The following OLFM3 variants were observed in gnomAD, a reference collection of about 807,000 sequenced individuals.
The protein encoded by OLFM3 is olfactomedin 3.
OLFM3 carries 20 observed loss-of-function variants against 48.6 expected under a neutral mutation model. The observed-to-expected ratio is 0.41, with a 90% CI of 0.29 to 0.60. The LOEUF (loss-of-function observed/expected upper bound fraction) is 0.60, where lower values mean the gene tolerates loss of function less well. Among genes scored for constraint, OLFM3 ranks in the 20% least tolerant of loss-of-function variants. OLFM3 has a pLI of 0.28. For synonymous variants in OLFM3, 222 were observed against 198.1 expected, an observed-to-expected ratio of 1.12 and a Z score of -1.01; for missense variants, 437 against 544.3, an observed-to-expected ratio of 0.80 and a Z score of 1.96.
intron 1 of OLFM3, among the ~76,000 whole-genome samples, chr1:101,988,676 T>C (rs772270260): frequency 5.3e-5 from 8 of 152,076 alleles, no homozygotes; most frequent in Non-Finnish European, 1.0e-4. Context: ...AAAATACTTA[T>C]TAAATATCTT....
intron 1 of OLFM3, among the ~76,000 whole-genome samples, chr1:101,917,597 A>C (rs1658968426): frequency 6.6e-6 from 1 of 152,098 alleles, no homozygotes; most frequent in African/African-American, 2.4e-5. Flanking sequence ...TTATATTTTT[A>C]GTAGAGACAG....
chr1:101,885,911 T>A (rs938077646), intron 1 of OLFM3, among the ~76,000 whole-genome samples: 2 of 152,098 alleles, frequency 1.3e-5, no homozygotes, highest in African/African-American at 4.8e-5. Flanking sequence ...TATACATGGA[T>A]TTTTGACTGC....
intron 4 of OLFM3, among the ~76,000 whole-genome samples, chr1:101,817,984 G>A (rs1302978462): frequency 6.6e-6 from 1 of 152,004 alleles, no homozygotes; most frequent in African/African-American, 2.4e-5. Context: ...ATAGAGCACC[G>A]GAATGAGTTT....
chr1:101,939,626 T>C (rs1659726204), intron 1 of OLFM3, among the ~76,000 whole-genome samples: 1 of 152,124 alleles, frequency 6.6e-6, no homozygotes, highest in African/African-American at 2.4e-5. Context: ...TGAAAGTCTA[T>C]CATATGGACA....
intron 1 of OLFM3, among the ~76,000 whole-genome samples, chr1:101,968,951 G>A (rs1349007878): frequency 6.6e-6 from 1 of 152,176 alleles, no homozygotes; most frequent in Non-Finnish European, 1.5e-5. Context: ...GCTTGAGATA[G>A]CTCCATAGAG....
chr1:101,976,591 C>T (rs1326074634), intron 1 of OLFM3, among the ~76,000 whole-genome samples: 1 of 152,130 alleles, frequency 6.6e-6, no homozygotes, highest in Non-Finnish European at 1.5e-5. Context: ...GTACTTCCCA[C>T]AATAATCTTA....
At chr1:101,848,934 T>A (rs1483237582) in intron 1 of OLFM3, among the ~76,000 whole-genome samples, 2 of 152,048 alleles carry the variant, frequency 1.3e-5, no homozygotes, top group Non-Finnish European at 2.9e-5. Context: ...TAGAAGAATA[T>A]AAGATTGAAT....
At chr1:101,853,891 G>A (rs924621947) in intron 1 of OLFM3, among the ~76,000 whole-genome samples, 1 of 151,794 alleles carries the variant, frequency 6.6e-6, no homozygotes, top group African/African-American at 2.4e-5. Context: ...AGCACTTTTG[G>A]TCTAAGCCAA....
At chr1:101,923,771 C>G (rs1301783284) in intron 1 of OLFM3, among the ~76,000 whole-genome samples, 2 of 152,056 alleles carry the variant, frequency 1.3e-5, no homozygotes, top group Non-Finnish European at 2.9e-5. Context: ...ATGTGCAGAA[C>G]TTAGACAGTT....
chr1:101,980,417 G>C (rs1313442637), intron 1 of OLFM3, among the ~76,000 whole-genome samples: 1 of 152,048 alleles, frequency 6.6e-6, no homozygotes, highest in Admixed American at 6.6e-5. Flanking sequence ...TCATGGGGGT[G>C]GTGTCCTCCA....
chr1:101,962,970 C>T (rs1337681984), intron 1 of OLFM3, among the ~76,000 whole-genome samples: 2 of 152,220 alleles, frequency 1.3e-5, no homozygotes, highest in African/African-American at 4.8e-5. Flanking sequence ...TTAATTGAAG[C>T]TAACCATTTC....
chr1:101,828,836 G>A (rs756543725), intron 3 of OLFM3, among the ~76,000 whole-genome samples: 3 of 152,030 alleles, frequency 2.0e-5, no homozygotes, highest in African/African-American at 7.2e-5. Context: ...CTACTTTGCC[G>A]ATGACCTCAG....
At chr1:101,850,803 A>G (rs1557702280) in intron 1 of OLFM3, among the ~76,000 whole-genome samples, 1 of 152,144 alleles carries the variant, frequency 6.6e-6, no homozygotes, top group Non-Finnish European at 1.5e-5. Context: ...CTTTATTTTT[A>G]TTATTTAAAA....
chr1:101,916,072 A>G (rs1191369339), intron 1 of OLFM3, among the ~76,000 whole-genome samples: 6 of 152,210 alleles, frequency 3.9e-5, no homozygotes, highest in Admixed American at 3.9e-4. Context: ...TGTGACTTAC[A>G]GATCAGGAAT....
At chr1:101,831,183 G>T (rs1655132091) in intron 2 of OLFM3, among the ~76,000 whole-genome samples, 1 of 152,204 alleles carries the variant, frequency 6.6e-6, no homozygotes, top group South Asian at 2.1e-4. Flanking sequence ...AGTTGTTTCT[G>T]TAAGTACTAA....
chr1:101,876,644 A>G (rs1177024232), intron 1 of OLFM3, among the ~76,000 whole-genome samples: 1 of 152,040 alleles, frequency 6.6e-6, no homozygotes, highest in Non-Finnish European at 1.5e-5. Flanking sequence ...CAAATAAGAG[A>G]TAATTTTAGC....
intron 1 of OLFM3, among the ~76,000 whole-genome samples, chr1:101,877,753 T>A (rs1412823052): frequency 6.6e-6 from 1 of 151,892 alleles, no homozygotes; most frequent in African/African-American, 2.4e-5. Context: ...GTATTTAAAG[T>A]CACTTAGATG....
chr1:101,916,907 A>C lies in OLFM3; in HGVS notation c.69+79841T>G, dbSNP rs547351100. On this transcript the variant is annotated intron_variant, in intron 1 of 5. Transcript: ENST00000370103. ...AATACTGAGAGCATCAGAGTTCTGA[A>C]CAGGATAAAATTAGATATTTAATAT... is the stretch of plus-strand genomic sequence containing the variant. 4.4e-4 allele frequency among the ~76,000 whole-genome samples: 67 copies of C among 152,324 alleles called. 1 individual carries two copies. In the South Asian group the frequency reaches 0.013, roughly 29 times the overall value.
At chr1:101,806,311 A>C (rs1431168324) in intron 4 of OLFM3, 129 bp from the exon 5 acceptor site, 1 of 678,806 alleles carries the variant, frequency 1.5e-6, no homozygotes, top group East Asian at 2.7e-5. Flanking sequence ...CACATTTCTG[A>C]ATAAATGATT....
Sources: allele counts gnomAD v4.1 joint callset (sites outside exome capture counted in the v4.1 genomes callset), GRCh38; gene constraint gnomAD v4.1.1; transcripts MANE v1.5; gene names NCBI Gene and HGNC (gene_info 2026-07-23, HGNC 2026-07-21).